The following MBD2 variants were observed in gnomAD, a reference collection of about 807,000 sequenced individuals.
MBD2 encodes the protein methyl-CpG binding domain protein 2, also known as methyl-CpG-binding domain protein 2.
Under a neutral mutation model 39.3 loss-of-function variants are expected in MBD2, and 9 were observed. The observed-to-expected ratio is 0.23, with a 90% CI of 0.14 to 0.40. MBD2 has a LOEUF of 0.40. Ranked by LOEUF, MBD2 falls within the 10% of genes least tolerant of loss-of-function variation. The probability of loss-of-function intolerance (pLI) is 1.00; values close to 1 mark genes in which losing one functional copy is unlikely to be tolerated. For missense variants in MBD2, 458 were observed against 532.6 expected (o/e 0.86, Z 1.38); for synonymous variants, 233 against 211.1 (o/e 1.10, Z -0.90).
chr18:54,166,337 C>T (rs2086132077), intron 3 of MBD2, among the ~76,000 whole-genome samples, 171 bp from the exon 4 acceptor site: 1 of 152,174 alleles, frequency 6.6e-6, no homozygotes, highest in Non-Finnish European at 1.5e-5. Context: ...TTCCACACAT[C>T]ATAATCCTCT....
chr18:54,222,022 C>T (rs184452032), intron 1 of MBD2, among the ~76,000 whole-genome samples: 21 of 152,338 alleles, frequency 1.4e-4, no homozygotes, highest in Admixed American at 1.4e-3. Flanking sequence ...AGATGTTCTA[C>T]TGAGAATAGC....
chr18:54,202,743 G>A, intron 2 of MBD2: 1 of 1,426,582 alleles, frequency 7.0e-7, no homozygotes, highest in Non-Finnish European at 9.2e-7. Context: ...TCTAGAATGA[G>A]GTGGATGGTA....
intron 3 of MBD2, chr18:54,187,779 A>G: frequency 1.0e-6 from 1 of 985,898 alleles, no homozygotes; most frequent in Non-Finnish European, 1.2e-6. Context: ...ATCTTGAGAC[A>G]TCTATAGCAA....
At chr18:54,210,660 G>A (rs2086496291) in intron 1 of MBD2, among the ~76,000 whole-genome samples, 1 of 152,124 alleles carries the variant, frequency 6.6e-6, no homozygotes, top group African/African-American at 2.4e-5. Context: ...CACCAGACTG[G>A]AGTAAGATGA....
chr18:54,207,076 A>G (rs2086456100), intron 1 of MBD2, among the ~76,000 whole-genome samples: 1 of 152,174 alleles, frequency 6.6e-6, no homozygotes. Flanking sequence ...CAAGTTCTAA[A>G]TGTTCAAGCT....
intron 2 of MBD2, among the ~76,000 whole-genome samples, chr18:54,191,071 T>C (rs2086317150): frequency 6.6e-6 from 1 of 152,204 alleles, no homozygotes; most frequent in Admixed American, 6.5e-5. Flanking sequence ...TACAGGATAT[T>C]TGATGAACTT....
In MBD2 at chr18:54,172,687, A is replaced by C. The variant is rs1010076415; in HGVS notation, c.841-6521T>G. Among the ~76,000 whole-genome samples, 10 of 152,328 alleles carry C rather than the reference A, an allele frequency of 6.6e-5. No homozygotes were observed. The South Asian group carries it at 1.7e-3, about 25-fold the overall frequency. ...TGAAACTGACTTTCCCTGTATACTCACGACCTCAACTTGACAGTCAACCCT... is the reference window on the plus strand; with the variant it reads ...TGAAACTGACTTTCCCTGTATACTCCCGACCTCAACTTGACAGTCAACCCT... On this transcript the variant is annotated intron_variant, in intron 3 of 6. Transcript: ENST00000256429.
At chr18:54,179,312 T>C (rs1205885201) in intron 3 of MBD2, among the ~76,000 whole-genome samples, 1 of 152,248 alleles carries the variant, frequency 6.6e-6, no homozygotes, top group African/African-American at 2.4e-5. Context: ...GCCAATTTTA[T>C]AGAAACTCTT....
At chr18:54,157,920 C>A (rs1052699925) in intron 6 of MBD2, among the ~76,000 whole-genome samples, 1 of 152,200 alleles carries the variant, frequency 6.6e-6, no homozygotes, top group Non-Finnish European at 1.5e-5. Flanking sequence ...CTTCTCCCAA[C>A]CTATTGGCAT....
chr18:54,163,649 C>A (rs2086111343), intron 5 of MBD2, among the ~76,000 whole-genome samples: 1 of 152,014 alleles, frequency 6.6e-6, no homozygotes. Context: ...TGTGAGTCAG[C>A]CTTAGAAAGA....
Position 54,224,366 on chromosome 18 carries a change from T to C in MBD2, c.194A>G (p.Lys65Arg). The C allele has an allele frequency of 8.4e-7, 1 of 1,186,212 alleles. No individual in the cohort carries two copies. Among genetic ancestry groups the C allele is most frequent in the East Asian group, 4.1e-5 (1 of 24,462 alleles). 73.5% of individuals were successfully genotyped at this position (1,186,212 alleles called of 1,614,324 possible). ...RGGGRGRGRW[K>R]QAGRGGGVCG... Reference sequence around the variant, plus strand: ...GACGCCGCCGCCCCGGCCCGCCTGCTTCCACCGCCCCCGGCCACGGCCGCC... The same window carrying C: ...GACGCCGCCGCCCCGGCCCGCCTGCCTCCACCGCCCCCGGCCACGGCCGCC... The change falls in exon 1 of 7, where the codon AAG becomes AGG. Residue 65 changes from lysine (K) to arginine (R), a missense_variant. Physicochemically the swap from Lys to Arg is conservative, Grantham distance 26. Transcript: ENST00000256429.
chr18:54,186,315 C>G (rs942645747), intron 3 of MBD2, among the ~76,000 whole-genome samples: 1 of 152,084 alleles, frequency 6.6e-6, no homozygotes, highest in African/African-American at 2.4e-5. Flanking sequence ...ATAACTTCTC[C>G]AATTGGAATA....
chr18:54,164,727 A>C (rs767950445), intron 4 of MBD2, 27 bp from the exon 5 acceptor site: 2 of 1,579,766 alleles, frequency 1.3e-6, no homozygotes, highest in Admixed American at 3.4e-5. Flanking sequence ...GTACTAGTTA[A>C]AGGAAATGTC....
chr18:54,207,803 C>T (rs570296334), intron 1 of MBD2, among the ~76,000 whole-genome samples: 44 of 151,990 alleles, frequency 2.9e-4, no homozygotes, highest in Non-Finnish European at 4.6e-4. Flanking sequence ...TTTGGGAGGC[C>T]GAGGCGGGCA....
At chr18:54,192,156 C>A (rs930900056) in intron 2 of MBD2, among the ~76,000 whole-genome samples, 1 of 152,234 alleles carries the variant, frequency 6.6e-6, no homozygotes, top group African/African-American at 2.4e-5. Context: ...CAGCTTCACA[C>A]ATAAATGCTT....
At chr18:54,215,145 T>C (rs1375141899) in intron 1 of MBD2, among the ~76,000 whole-genome samples, 1 of 152,198 alleles carries the variant, frequency 6.6e-6, no homozygotes, top group African/African-American at 2.4e-5. Flanking sequence ...CAAGCCCCGA[T>C]CTTCTGACTC....
At chr18:54,169,700 G>A (rs2086165721) in intron 3 of MBD2, among the ~76,000 whole-genome samples, 2 of 152,196 alleles carry the variant, frequency 1.3e-5, no homozygotes, top group South Asian at 4.1e-4. Flanking sequence ...ACTACTCACT[G>A]AAAATCTGAT....
At chr18:54,216,189 G>C (rs1458422860) in intron 1 of MBD2, among the ~76,000 whole-genome samples, 1 of 151,852 alleles carries the variant, frequency 6.6e-6, no homozygotes, top group Non-Finnish European at 1.5e-5. Context: ...AATCATTTTA[G>C]ACCTAAAAGC....
intron 2 of MBD2, among the ~76,000 whole-genome samples, chr18:54,193,304 T>C (rs1599094088): frequency 6.6e-6 from 1 of 152,344 alleles, no homozygotes; most frequent in East Asian, 1.9e-4. Context: ...TGCAATCTTC[T>C]TATATCTTCA....
Sources: allele counts gnomAD v4.1 joint callset (sites outside exome capture counted in the v4.1 genomes callset), GRCh38; gene constraint gnomAD v4.1.1; transcripts MANE v1.5; gene names NCBI Gene and HGNC (gene_info 2026-07-23, HGNC 2026-07-21).